HNF4A: variants seen among roughly 807,000 people sequenced by gnomAD.
The protein encoded by HNF4A is hepatocyte nuclear factor 4-alpha.
In HNF4A, 15 loss-of-function variants were observed where a neutral mutation model predicts 52.4. The observed-to-expected ratio is 0.29, with a 90% CI of 0.19 to 0.44. The LOEUF is 0.44. HNF4A is among the 20% of genes least tolerant of loss of function. The pLI, the probability that HNF4A is intolerant of heterozygous loss-of-function variation, is 1.00. For synonymous variants in HNF4A, 280 were observed against 264.4 expected, an observed-to-expected ratio of 1.06 and a Z score of -0.57; for missense variants, 479 against 647.2, an observed-to-expected ratio of 0.74 and a Z score of 2.82.
At chr20:44,404,950 A>T (rs1343279089) in intron 1 of HNF4A, among the ~76,000 whole-genome samples, 1 of 8,792 alleles carries the variant, frequency 1.1e-4, no homozygotes, top group Non-Finnish European at 2.5e-4. Context: ...GTGTGTGGGA[A>T]CTGTGTGGTG....
intron 1 of HNF4A, among the ~76,000 whole-genome samples, chr20:44,359,545 C>T (rs2062895170): frequency 2.0e-5 from 3 of 152,180 alleles, no homozygotes; most frequent in Admixed American, 2.0e-4. Flanking sequence ...GTGTGGCACA[C>T]TCCTGCTCCA....
intron 1 of HNF4A, among the ~76,000 whole-genome samples, chr20:44,394,522 T>C (rs1376903993): frequency 6.6e-6 from 1 of 152,116 alleles, no homozygotes. Flanking sequence ...TCCTAAAGAT[T>C]CTCCTGGCTC....
At chr20:44,411,487 T>C (rs1055429510) in intron 3 of HNF4A, among the ~76,000 whole-genome samples, 1 of 133,470 alleles carries the variant, frequency 7.5e-6, no homozygotes, top group Admixed American at 7.4e-5. Context: ...GGCGCCCTGA[T>C]GGGTGGGTGC....
intron 1 of HNF4A, among the ~76,000 whole-genome samples, chr20:44,389,022 G>T (rs2063269575): frequency 1.3e-5 from 2 of 152,172 alleles, no homozygotes; most frequent in Admixed American, 6.5e-5. Flanking sequence ...GTGAGACTTA[G>T]CAGCCCCACT....
chr20:44,424,586 C>T, intron 8 of HNF4A: 1 of 1,388,048 alleles, frequency 7.2e-7, no homozygotes, highest in Non-Finnish European at 9.5e-7. Context: ...TATGTGCGTG[C>T]ATGTGTATAT....
intron 5 of HNF4A, 118 bp from the exon 6 acceptor site, chr20:44,418,307 G>T: frequency 1.2e-6 from 1 of 812,854 alleles, no homozygotes. Context: ...CCATTTCACA[G>T]TTCAGGCAGG....
intron 8 of HNF4A, among the ~76,000 whole-genome samples, chr20:44,426,237 G>A (rs902081296): frequency 2.6e-5 from 4 of 152,138 alleles, no homozygotes; most frequent in Non-Finnish European, 5.9e-5. Context: ...GGGAAGAAAG[G>A]AGAGGTGAAG....
chr20:44,399,903 G>A (rs2063387237), upstream of HNF4A, among the ~76,000 whole-genome samples: 1 of 152,122 alleles, frequency 6.6e-6, no homozygotes, highest in Admixed American at 6.5e-5. Context: ...CCTCCAACCT[G>A]CCCTTCCAGC....
intron 5 of HNF4A, among the ~76,000 whole-genome samples, chr20:44,417,182 G>T (rs1274798664): frequency 1.3e-5 from 2 of 152,196 alleles, no homozygotes; most frequent in African/African-American, 4.8e-5. Flanking sequence ...AGTTTGGCTT[G>T]CTATGGAACC....
intron 1 of HNF4A, among the ~76,000 whole-genome samples, chr20:44,359,543 C>T (rs1033985913): frequency 6.6e-5 from 10 of 152,146 alleles, no homozygotes; most frequent in South Asian, 2.1e-4. Flanking sequence ...GGGTGTGGCA[C>T]ACTCCTGCTC....
intron 1 of HNF4A, among the ~76,000 whole-genome samples, chr20:44,368,445 G>A (rs976537623): frequency 6.6e-6 from 1 of 151,834 alleles, no homozygotes; most frequent in African/African-American, 2.4e-5. Flanking sequence ...GGGATTATAA[G>A]TGTGAGCCAC....
chr20:44,429,671 C>A lies in HNF4A; in HGVS notation c.*6C>A, dbSNP rs745467816. 2 of 1,614,068 alleles carry A rather than the reference C, an allele frequency of 1.2e-6. No individual in the cohort carries two copies. The highest frequency in any genetic ancestry group is 8.5e-7 in the Non-Finnish European group (1 of 1,180,012). ...CCAAGCAGGAAGTTATCTAGCAAGCCGCTGGGGCTTGGGGGCTCCACTGGC... is the reference window on the plus strand; with the variant it reads ...CCAAGCAGGAAGTTATCTAGCAAGCAGCTGGGGCTTGGGGGCTCCACTGGC... On this transcript the variant is annotated 3_prime_UTR_variant, in exon 10 of 10. Coordinates refer to ENST00000316099, the MANE Select transcript of HNF4A (RefSeq NM_000457.6).
intron 5 of HNF4A, among the ~76,000 whole-genome samples, chr20:44,415,379 T>A (rs1174714462): frequency 6.6e-6 from 1 of 152,178 alleles, no homozygotes; most frequent in East Asian, 1.9e-4. Flanking sequence ...AGCATCATAT[T>A]TCCCACCGTA....
rs1219515749 is a variant in HNF4A at position 44,421,856 on chromosome 20, T to TTATATATAGTGATATATATTTTATA, written c.892+2001_892+2025dup. 4.3e-3 allele frequency among the ~76,000 whole-genome samples: 632 copies of TTATATATAGTGATATATATTTTATA among 147,168 alleles called. 1 individual carries two copies. The highest frequency in any genetic ancestry group is 7.4e-3 in the Non-Finnish European group (496 of 67,072). On this transcript the variant is annotated intron_variant, in intron 7 of 9. Coordinates refer to ENST00000316099, the MANE Select transcript of HNF4A (RefSeq NM_000457.6). Reference sequence around the variant, plus strand: ...AGTGATATATTACGTATAATATATATTATATATAGTGATATATATTTTATA... The same window carrying TTATATATAGTGATATATATTTTATA: ...AGTGATATATTACGTATAATATATATTATATATAGTGATATATATTTTATATATATATAGTGATATATATTTTATA...
intron 3 of HNF4A, chr20:44,408,092 C>T (rs1337247758): frequency 1.2e-5 from 2 of 167,058 alleles, no homozygotes; most frequent in Admixed American, 5.5e-5. Context: ...CAGCAGGTAT[C>T]AGTCACTGGG....
chr20:44,422,657 C>A (rs2063762121), intron 7 of HNF4A, among the ~76,000 whole-genome samples: 1 of 147,118 alleles, frequency 6.8e-6, no homozygotes, highest in Non-Finnish European at 1.5e-5. Context: ...ATATAGTTAT[C>A]AATAAATATA....
At chr20:44,382,563 C>T (rs1014332201) in intron 1 of HNF4A, among the ~76,000 whole-genome samples, 1 of 152,150 alleles carries the variant, frequency 6.6e-6, no homozygotes, top group African/African-American at 2.4e-5. Context: ...GCTTTCTCAT[C>T]CTCTGCCATC....
intron 8 of HNF4A, 193 bp downstream of exon 8, chr20:44,424,447 C>A (rs969882302): frequency 9.3e-7 from 1 of 1,081,010 alleles, no homozygotes; most frequent in South Asian, 1.3e-5. Flanking sequence ...GTTCAGGCAC[C>A]GAGAACCTAG....
At chr20:44,421,260 C>CT (rs1452693819) in intron 7 of HNF4A, among the ~76,000 whole-genome samples, 1 of 152,218 alleles carries the variant, frequency 6.6e-6, no homozygotes, top group Non-Finnish European at 1.5e-5. Context: ...TCTCCCCATT[C>CT]TGTCCACTGA....
Sources: gnomAD v4.1 joint callset for allele counts (sites outside exome capture counted in the v4.1 genomes callset) on GRCh38, gnomAD v4.1.1 for gene constraint, MANE v1.5 for transcripts, NCBI Gene and HGNC (gene_info 2026-07-23, HGNC 2026-07-21) for gene names.